The following ZNHIT3 variants were observed in gnomAD, a reference collection of about 807,000 sequenced individuals.
ZNHIT3 encodes zinc finger HIT domain-containing protein 3.
ZNHIT3 carries 27 observed loss-of-function variants against 19.9 expected under a neutral mutation model. The ratio of observed to expected loss-of-function variants is 1.36; its 90% CI spans 1.00 to 1.87. The LOEUF (loss-of-function observed/expected upper bound fraction) is 1.87. Ranked by LOEUF, ZNHIT3 falls within the 40% of genes most tolerant of loss-of-function variation. The pLI is 0.00. For synonymous variants in ZNHIT3, 81 were observed against 65.7 expected, an observed-to-expected ratio of 1.23 and a Z score of -1.13; for missense variants, 215 against 185.6, an observed-to-expected ratio of 1.16 and a Z score of -0.92.
downstream of ZNHIT3, among the ~76,000 whole-genome samples, chr17:36,497,420 CATG>C (rs1434545997): frequency 6.6e-6 from 1 of 151,688 alleles, no homozygotes; most frequent in Admixed American, 6.6e-5. Context: ...TTGGGGAAAA[CATG>C]GTGCCAAATC....
Position 36,495,779 on chromosome 17 carries a change from T to C in ZNHIT3, c.*375T>C. The C allele has an allele frequency of 8.1e-7, 1 of 1,238,318 alleles. No individual in the cohort carries two copies. The highest frequency in any genetic ancestry group is 1.0e-6 in the Non-Finnish European group (1 of 992,474). 76.7% of individuals were successfully genotyped at this position (1,238,318 alleles called of 1,614,324 possible). On this transcript the variant is annotated 3_prime_UTR_variant, in exon 5 of 5. Coordinates refer to ENST00000617429, the MANE Select transcript of ZNHIT3 (RefSeq NM_004773.4). ...GTACATTGCATTATTCATAATTTAA[T>C]TGTTTGAAATTACATTAAATAAATC...
chr17:36,497,600 T>C (rs530291780), downstream of ZNHIT3: 9 of 967,670 alleles, frequency 9.3e-6, no homozygotes, highest in South Asian at 3.3e-4. Context: ...TTTTTTTTTT[T>C]TTTAGATGGA....
At chr17:36,496,365 A>G (rs774525816), downstream of ZNHIT3, 9 of 1,613,926 alleles carry the variant, frequency 5.6e-6, no homozygotes, top group South Asian at 1.1e-5. Context: ...AGATGTCAGC[A>G]TACCGCAGTG....
In ZNHIT3 at chr17:36,495,259, C is replaced by T; in HGVS notation, c.323C>T (p.Pro108Leu). ...SATLRSLLLNPHLRQLMVNLD... is the reference protein window; with the variant it reads ...SATLRSLLLNLHLRQLMVNLD... ...ACATTAAGAAGCTTATTGCTCAATC[C>T]ACACCTCAGGCAGTTGATGGTCAAC... The change falls in exon 5 of 5, where the codon CCA becomes CTA. Residue 108 changes from proline to leucine, a missense_variant. Transcript: ENST00000617429. 1 of 1,608,344 alleles carries T rather than the reference C, an allele frequency of 6.2e-7. No homozygotes were observed. Among genetic ancestry groups the T allele is most frequent in the Non-Finnish European group, 8.5e-7 (1 of 1,178,520 alleles).
At chr17:36,492,742 C>G in intron 2 of ZNHIT3, 71 bp from the exon 3 acceptor site, 1 of 1,376,880 alleles carries the variant, frequency 7.3e-7, no homozygotes, top group South Asian at 1.2e-5. Context: ...CTAGATGCTA[C>G]CTTGGTAGGG....
Position 36,492,851 on chromosome 17 carries a change from A to G in ZNHIT3, c.157A>G (p.Ile53Val). 6.2e-7 allele frequency: 1 copy of G among 1,614,222 alleles called. No homozygotes were observed. Among genetic ancestry groups the G allele is most frequent in the Non-Finnish European group, 8.5e-7 (1 of 1,180,040 alleles). The change falls in exon 3 of 5, where the codon ATA (isoleucine) becomes GTA (valine). Residue 53 changes from isoleucine to valine, a missense_variant. Physicochemically the swap from Ile to Val is conservative, Grantham distance 29. Transcript: ENST00000617429. ...NPETRPVEKKIRSALPTKTVK... is the reference protein window; with the variant it reads ...NPETRPVEKKVRSALPTKTVK... ...TGAAACTCGTCCTGTTGAGAAAAAA[A>G]TAAGATCAGCTCTTCCTACCAAAAC...
At chr17:36,491,732 C>T (rs954124998) in intron 2 of ZNHIT3, 4 of 152,110 alleles carry the variant, frequency 2.6e-5, no homozygotes, top group African/African-American at 7.2e-5. Flanking sequence ...TAGCTCCAGC[C>T]TCTTTTTGAG....
chr17:36,492,827 G>GAT lies in ZNHIT3; in HGVS notation c.134_135insTA (p.Glu45AspfsTer10). 6.2e-7 allele frequency: 1 copy of GAT among 1,614,160 alleles called. No individual in the cohort carries two copies. Among genetic ancestry groups the GAT allele is most frequent in the South Asian group, 1.1e-5 (1 of 91,078 alleles). On this transcript the variant is annotated frameshift_variant, in exon 3 of 5. Coordinates refer to ENST00000617429, the MANE Select transcript of ZNHIT3 (RefSeq NM_004773.4). LOFTEE classifies it high-confidence loss of function. ...GTCTTTTTCAGAACAGTGCAACCCTGAAACTCGTCCTGTTGAGAAAAAAAT... is the reference window on the plus strand; with the variant it reads ...GTCTTTTTCAGAACAGTGCAACCCTGATAAACTCGTCCTGTTGAGAAAAAAAT...
chr17:36,496,551 C>T, downstream of ZNHIT3: 1 of 730,956 alleles, frequency 1.4e-6, no homozygotes, highest in Admixed American at 2.6e-5. Context: ...AATAGCATTA[C>T]ATCCACTCAG....
chr17:36,491,886 G>C (rs1780321499), intron 2 of ZNHIT3: 1 of 152,124 alleles, frequency 6.6e-6, no homozygotes, highest in Non-Finnish European at 1.5e-5. Context: ...CTACTTACTA[G>C]CTGTGGACCC....
downstream of ZNHIT3, chr17:36,498,573 T>C: frequency 1.2e-6 from 2 of 1,602,148 alleles, no homozygotes; most frequent in South Asian, 1.1e-5. Flanking sequence ...AAAAAGCAAA[T>C]ATCCCTTTAT....
intron 2 of ZNHIT3, among the ~76,000 whole-genome samples, chr17:36,487,791 G>GA (rs1180180987): frequency 7.6e-5 from 10 of 132,156 alleles, no homozygotes; most frequent in East Asian, 6.9e-4. Flanking sequence ...ACTCAGTCTG[G>GA]AAAAAAAAAG....
downstream of ZNHIT3, chr17:36,498,586 C>T (rs375183480): frequency 1.1e-5 from 17 of 1,582,162 alleles, no homozygotes; most frequent in African/African-American, 9.4e-5. Flanking sequence ...CCCTTTATAG[C>T]TTTAGATTTA....
chr17:36,497,389 G>GA (rs886938719), downstream of ZNHIT3, among the ~76,000 whole-genome samples: 1 of 151,426 alleles, frequency 6.6e-6, no homozygotes, highest in Non-Finnish European at 1.5e-5. Context: ...GCCAGAAAAG[G>GA]AAAAAACCAA....
At chr17:36,496,227 T>A, downstream of ZNHIT3, 1 of 1,612,780 alleles carries the variant, frequency 6.2e-7, no homozygotes, top group Non-Finnish European at 8.5e-7. Context: ...GGAAAAGGCC[T>A]TGTGGAAACA....
downstream of ZNHIT3, chr17:36,499,247 C>G: frequency 1.1e-6 from 1 of 912,892 alleles, no homozygotes; most frequent in Non-Finnish European, 1.7e-6. Flanking sequence ...ACCACAGTTG[C>G]TGTCAAAGTT....
chr17:36,491,205 C>G (rs891387628), intron 2 of ZNHIT3: 1 of 152,234 alleles, frequency 6.6e-6, no homozygotes, highest in Non-Finnish European at 1.5e-5. Context: ...TGGGAAGATA[C>G]CGCTCTGTGG....
downstream of ZNHIT3, among the ~76,000 whole-genome samples, chr17:36,497,080 A>G (rs1159766888): frequency 6.6e-6 from 1 of 152,126 alleles, no homozygotes; most frequent in African/African-American, 2.4e-5. Flanking sequence ...CTGTAATCCC[A>G]GCACTTTGGG....
downstream of ZNHIT3, chr17:36,496,335 G>A (rs745348591): frequency 6.2e-7 from 1 of 1,614,032 alleles, no homozygotes; most frequent in South Asian, 1.1e-5. Context: ...CTGTAATGCT[G>A]TAGGGTGAAG....
Sources: gnomAD v4.1 joint callset for allele counts (sites outside exome capture counted in the v4.1 genomes callset) on GRCh38, gnomAD v4.1.1 for gene constraint, MANE v1.5 for transcripts, NCBI Gene and HGNC (gene_info 2026-07-23, HGNC 2026-07-21) for gene names.